Variants in KLHL29 observed in about 807,000 individuals in gnomAD.
KLHL29 encodes the protein kelch-like protein 29.
In KLHL29, 21 loss-of-function variants were observed where a neutral mutation model predicts 80.4. That is an observed-to-expected ratio of 0.26 (90% confidence interval 0.19 to 0.38). The LOEUF is 0.38. Ranked by LOEUF, KLHL29 falls within the 10% of genes least tolerant of loss-of-function variation. The pLI is 1.00. For missense variants in KLHL29, 867 were observed against 1,223.9 expected, an observed-to-expected ratio of 0.71 and a Z score of 4.35; for synonymous variants, 511 against 526.8, an observed-to-expected ratio of 0.97 and a Z score of 0.41.
intron 1 of KLHL29, among the ~76,000 whole-genome samples, chr2:23,466,791 G>A (rs758656578): frequency 6.6e-6 from 1 of 152,144 alleles, no homozygotes; most frequent in Non-Finnish European, 1.5e-5. Context: ...GAAAAATAAT[G>A]CAGCAAGGAA....
intron 5 of KLHL29, among the ~76,000 whole-genome samples, chr2:23,662,508 G>C (rs956705594): frequency 2.0e-5 from 3 of 152,174 alleles, no homozygotes; most frequent in African/African-American, 7.2e-5. Flanking sequence ...TGCAGCTTCT[G>C]CTCTCTGGCG....
intron 5 of KLHL29, among the ~76,000 whole-genome samples, chr2:23,674,999 C>T (rs1670882758): frequency 6.6e-6 from 1 of 152,118 alleles, no homozygotes; most frequent in East Asian, 1.9e-4. Context: ...TGTTTAATTC[C>T]CCACACAAAG....
At position 23,688,571 on chromosome 2, in the gene KLHL29, G is replaced by A. The variant is rs565932813; in HGVS notation, c.1080-3103G>A. On this transcript the variant is annotated intron_variant, in intron 6 of 13. Transcript: ENST00000486442. The stretch of plus-strand genomic sequence containing the variant: ...CATTCCTCTGCTGAGCAGAGGCTGC[G>A]TCCCGGACTCTGGCCTCTCCTGGGC... 5.3e-5 allele frequency among the ~76,000 whole-genome samples: 8 copies of A among 152,222 alleles called. No individual in the cohort carries two copies. In the South Asian group the frequency reaches 1.4e-3, roughly 28 times the overall value.
At chr2:23,685,120 G>A (rs1177315083) in intron 6 of KLHL29, among the ~76,000 whole-genome samples, 4 of 152,248 alleles carry the variant, frequency 2.6e-5, no homozygotes, top group African/African-American at 7.2e-5. Flanking sequence ...AGCCTAAACC[G>A]GCGCTGTGGA....
intron 5 of KLHL29, among the ~76,000 whole-genome samples, chr2:23,653,013 A>G (rs924865199): frequency 4.6e-5 from 7 of 151,954 alleles, no homozygotes; most frequent in African/African-American, 1.5e-4. Flanking sequence ...GTCTCAGCCC[A>G]CCTACCCTAC....
At chr2:23,641,806 A>G (rs1669777861) in intron 4 of KLHL29, among the ~76,000 whole-genome samples, 1 of 152,146 alleles carries the variant, frequency 6.6e-6, no homozygotes, top group Non-Finnish European at 1.5e-5. Context: ...CAACATGGAG[A>G]AACCCCATCT....
chr2:23,484,608 C>G (rs1664881073), intron 2 of KLHL29, among the ~76,000 whole-genome samples: 1 of 152,204 alleles, frequency 6.6e-6, no homozygotes, highest in Admixed American at 6.5e-5. Flanking sequence ...CCCCGCCAGC[C>G]AGAGAGCCAC....
chr2:23,603,377 GGCTCTGACAGCAGGAACAGGGGCAT>G (rs1262700722), intron 3 of KLHL29, among the ~76,000 whole-genome samples: 1 of 152,106 alleles, frequency 6.6e-6, no homozygotes, highest in East Asian at 1.9e-4. Context: ...CGGCAGTCAG[GGCTCTGACAGCAGGAACAGGGGCAT>G]GTCCTCTGAG....
chr2:23,387,103 C>T (rs1028539919), intron 1 of KLHL29, among the ~76,000 whole-genome samples: 1 of 152,126 alleles, frequency 6.6e-6, no homozygotes, highest in Admixed American at 6.5e-5. Flanking sequence ...CCCGTGCTTG[C>T]GCCGCGGCGC....
At chr2:23,692,301 G>A (rs148678237) in intron 7 of KLHL29, among the ~76,000 whole-genome samples, 2 of 152,330 alleles carry the variant, frequency 1.3e-5, no homozygotes, top group African/African-American at 2.4e-5. Context: ...GTCTGTCCAG[G>A]TCTAGACATC....
intron 2 of KLHL29, among the ~76,000 whole-genome samples, chr2:23,486,728 A>G (rs1265942089): frequency 6.6e-6 from 1 of 152,226 alleles, no homozygotes; most frequent in Non-Finnish European, 1.5e-5. Context: ...GCGGAATTGC[A>G]GCCACCTCCT....
chr2:23,480,921 G>A (rs1233760051), intron 2 of KLHL29, among the ~76,000 whole-genome samples: 2 of 152,146 alleles, frequency 1.3e-5, no homozygotes, highest in Non-Finnish European at 2.9e-5. Context: ...CCTTTGCTAG[G>A]ACCCTTGGGA....
intron 1 of KLHL29, among the ~76,000 whole-genome samples, chr2:23,446,131 G>A (rs904466775): frequency 5.2e-4 from 78 of 151,062 alleles, no homozygotes; most frequent in African/African-American, 1.8e-3. Flanking sequence ...GGTGATTAAG[G>A]AACAGTCCAC....
At chr2:23,454,325 T>C (rs907108569) in intron 1 of KLHL29, among the ~76,000 whole-genome samples, 1 of 151,796 alleles carries the variant, frequency 6.6e-6, no homozygotes, top group Non-Finnish European at 1.5e-5. Context: ...CCCATTCCAG[T>C]CCCATAGTGA....
At chr2:23,423,820 C>T (rs1343237563) in intron 1 of KLHL29, among the ~76,000 whole-genome samples, 2 of 152,202 alleles carry the variant, frequency 1.3e-5, no homozygotes, top group Admixed American at 6.5e-5. Context: ...ACGATGTGTC[C>T]GCATAGGCCA....
At chr2:23,547,285 G>C (rs1667002365) in intron 2 of KLHL29, among the ~76,000 whole-genome samples, 1 of 152,170 alleles carries the variant, frequency 6.6e-6, no homozygotes, top group South Asian at 2.1e-4. Flanking sequence ...CCGATTCCGA[G>C]CCTGGGTCCG....
intron 3 of KLHL29, among the ~76,000 whole-genome samples, chr2:23,575,010 G>A (rs1709319): frequency 0.029 from 4,462 of 152,214 alleles, 193 homozygotes; most frequent in African/African-American, 0.099. Context: ...GAGTCAGCAC[G>A]GCTGAGGACC....
intron 3 of KLHL29, among the ~76,000 whole-genome samples, chr2:23,606,813 T>G (rs1009193067): frequency 3.3e-5 from 5 of 152,202 alleles, no homozygotes; most frequent in Admixed American, 6.5e-5. Context: ...CACCCTTAGC[T>G]AGGGCTTATC....
intron 1 of KLHL29, among the ~76,000 whole-genome samples, chr2:23,410,663 C>A (rs991134138): frequency 1.3e-5 from 2 of 152,016 alleles, no homozygotes; most frequent in Non-Finnish European, 2.9e-5. Flanking sequence ...CTCTTCAGAC[C>A]TCTTGCTGCT....
Sources: gnomAD v4.1 joint callset for allele counts (sites outside exome capture counted in the v4.1 genomes callset) on GRCh38, gnomAD v4.1.1 for gene constraint, MANE v1.5 for transcripts, NCBI Gene and HGNC (gene_info 2026-07-23, HGNC 2026-07-21) for gene names.